FGD5: variants seen among roughly 807,000 people sequenced by gnomAD.
FGD5 encodes FYVE, RhoGEF and PH domain containing 5.
In FGD5, 28 loss-of-function variants were observed where a neutral mutation model predicts 133.4. That is an observed-to-expected ratio of 0.21 (90% CI 0.16 to 0.29). FGD5 has a LOEUF of 0.29. Among genes scored for constraint, FGD5 ranks in the 10% least tolerant of loss-of-function variants. The pLI, the probability that FGD5 is intolerant of heterozygous loss-of-function variation, is 1.00. For missense variants in FGD5, 1,858 were observed against 1,895.2 expected (o/e 0.98, Z 0.36); for synonymous variants, 810 against 776.5 (o/e 1.04, Z -0.72).
chr3:14,909,763 T>TTTC (rs943712790), intron 10 of FGD5, among the ~76,000 whole-genome samples: 3 of 86,438 alleles, frequency 3.5e-5, no homozygotes, highest in African/African-American at 7.6e-5. Context: ...TTTCTTTTCT[T>TTTC]TTTTTTTTTT....
intron 1 of FGD5, among the ~76,000 whole-genome samples, chr3:14,845,243 G>T (rs562240285): frequency 3.3e-5 from 5 of 152,326 alleles, no homozygotes; most frequent in African/African-American, 7.2e-5. Context: ...ACAGCAGGAA[G>T]GGTTTCATCC....
intron 1 of FGD5, among the ~76,000 whole-genome samples, chr3:14,860,633 T>C (rs1419941895): frequency 6.6e-6 from 1 of 152,152 alleles, no homozygotes; most frequent in Non-Finnish European, 1.5e-5. Flanking sequence ...AAGATAACTT[T>C]AGTCAAACAC....
In FGD5 at chr3:14,835,355, C is replaced by A. The variant is rs1381060609; in HGVS notation, c.2525+13759C>A. 3.3e-5 allele frequency among the ~76,000 whole-genome samples: 5 copies of A among 152,220 alleles called. No individual in the cohort carries two copies. The East Asian group carries it at 9.6e-4, about 29-fold the overall frequency. ...TCTGCTAAAAATACAAAATAATTAG[C>A]CTGGTGTGGTGGTGCATGCCTGTAG... On this transcript the variant is annotated intron_variant, in intron 1 of 19. Transcript: ENST00000285046.
At chr3:14,933,028 T>A in intron 19 of FGD5, 103 bp from the exon 20 acceptor site, 2 of 1,362,252 alleles carry the variant, frequency 1.5e-6, no homozygotes, top group Non-Finnish European at 2.1e-6. Context: ...GGTCCTTGAC[T>A]TCAAACTAAG....
chr3:14,891,206 C>T (rs2038020207), intron 4 of FGD5, among the ~76,000 whole-genome samples: 2 of 152,104 alleles, frequency 1.3e-5, no homozygotes, highest in African/African-American at 4.8e-5. Flanking sequence ...AGTTGGGAGT[C>T]CTCCTGCCCC....
At chr3:14,855,011 C>A (rs1212430628) in intron 1 of FGD5, among the ~76,000 whole-genome samples, 1 of 152,200 alleles carries the variant, frequency 6.6e-6, no homozygotes, top group Non-Finnish European at 1.5e-5. Context: ...CCTATCCTCA[C>A]CTTACTCCTA....
intron 2 of FGD5, among the ~76,000 whole-genome samples, chr3:14,873,293 C>T (rs1158426836): frequency 2.0e-5 from 3 of 152,142 alleles, no homozygotes; most frequent in Non-Finnish European, 4.4e-5. Context: ...AGGGGCAGCC[C>T]TCATGCCCAG....
At chr3:14,913,792 C>CT (rs1409577223) in intron 11 of FGD5, among the ~76,000 whole-genome samples, 1 of 152,216 alleles carries the variant, frequency 6.6e-6, no homozygotes, top group Admixed American at 6.5e-5. Context: ...TCTTGGCTCA[C>CT]TGGCCCTCAC....
chr3:14,918,860 G>C (rs779450217), intron 13 of FGD5, 27 bp downstream of exon 13: 4 of 1,610,828 alleles, frequency 2.5e-6, no homozygotes, highest in Admixed American at 1.7e-5. Flanking sequence ...GGAGGATGGC[G>C]CACAAGGCAG....
At chr3:14,882,253 T>C in intron 4 of FGD5, 1 of 978,308 alleles carries the variant, frequency 1.0e-6, no homozygotes, top group Non-Finnish European at 1.2e-6. Flanking sequence ...ACAGAGGGGC[T>C]GGGCAATTTT....
Position 14,921,964 on chromosome 3 carries a change from C to T in FGD5, c.3616C>T (p.Leu1206Phe). 1 of 1,572,348 alleles carries T rather than the reference C, an allele frequency of 6.4e-7. No homozygotes were observed. The change falls in exon 14 of 20, where the codon CTC (leucine) becomes TTC (phenylalanine). Residue 1206 changes from leucine (L) to phenylalanine (F), a missense_variant. By Grantham distance (22) the Leu-to-Phe change is conservative (BLOSUM62 0). This residue lies in a region of FGD5 where 1,824 missense variants were observed against 1,848.9 expected (regional missense o/e 0.99). Coordinates refer to ENST00000285046, the MANE Select transcript of FGD5 (RefSeq NM_152536.4). ...GTGGTATGGCTGTCTGAGCAGAGCC[C>T]TCCCTGAGGACTACAAGGCCCAGGC... Reference protein sequence around the residue: ...DEWYGCLSRALPEDYKAQALA... With the variant: ...DEWYGCLSRAFPEDYKAQALA...
intron 4 of FGD5, among the ~76,000 whole-genome samples, chr3:14,885,337 T>C (rs554185712): frequency 6.6e-6 from 1 of 151,598 alleles, no homozygotes; most frequent in East Asian, 2.0e-4. Flanking sequence ...CGGTCCAGAG[T>C]AGGCTTGCAA....
intron 1 of FGD5, among the ~76,000 whole-genome samples, chr3:14,845,723 A>G (rs1286087497): frequency 1.3e-5 from 2 of 152,192 alleles, no homozygotes; most frequent in Non-Finnish European, 2.9e-5. Flanking sequence ...TCATCCCCCC[A>G]CAGGTCTAGA....
chr3:14,821,531 C>T lies in FGD5; in HGVS notation c.2460C>T (p.Tyr820=), dbSNP rs140419004. The change falls in exon 1 of 20, where the codon TAC becomes TAT. Residue 820 remains tyrosine, a synonymous_variant. Coordinates refer to ENST00000285046, the MANE Select transcript of FGD5 (RefSeq NM_152536.4). ...ALSTANENDG[Y]VDMSSFNAFE... The stretch of plus-strand genomic sequence containing the variant: ...CCACAGCAAACGAAAATGATGGCTA[C>T]GTGGACATGAGCAGCTTCAACGCCT... 1.7e-3 allele frequency: 2,819 copies of T among 1,613,802 alleles called. 40 individuals are homozygous for T. The African/African-American group carries it at 0.031, about 18-fold the overall frequency.
intron 7 of FGD5, among the ~76,000 whole-genome samples, chr3:14,900,148 G>A (rs1250902043): frequency 6.6e-6 from 1 of 152,198 alleles, no homozygotes; most frequent in Admixed American, 6.5e-5. Context: ...TGTCTCCAAG[G>A]CATGGCCCAG....
At chr3:14,813,523 C>G (rs1290038804) in intron 1 of FGD5, among the ~76,000 whole-genome samples, 1 of 152,130 alleles carries the variant, frequency 6.6e-6, no homozygotes, top group African/African-American at 2.4e-5. Flanking sequence ...TATGAGAGTT[C>G]CAGGGGGAGT....
intron 1 of FGD5, among the ~76,000 whole-genome samples, chr3:14,860,603 T>C (rs2037379265): frequency 1.3e-5 from 2 of 152,226 alleles, no homozygotes; most frequent in African/African-American, 4.8e-5. Context: ...CTGTGAGGTC[T>C]GTGCACCTCC....
intron 1 of FGD5, among the ~76,000 whole-genome samples, chr3:14,829,046 G>A (rs1471325091): frequency 6.6e-6 from 1 of 151,884 alleles, no homozygotes; most frequent in Non-Finnish European, 1.5e-5. Context: ...CACCTGCCTC[G>A]GCCTCCCAAA....
rs1319965 is a variant in FGD5 at position 14,926,422 on chromosome 3, A to G, written c.4197+224A>G. Among the ~76,000 whole-genome samples the G allele has an allele frequency of 0.083, 12,588 of 152,270 alleles. 1,494 individuals are homozygous for G. Among genetic ancestry groups the G allele is most frequent in the African/African-American group, 0.26 (10,836 of 41,508 alleles). ...AGGAATTTGCAGTTTCTTTGTGGAT[A>G]TAAGAAGGTACGGACATGCCAAGCT... On this transcript the variant is annotated intron_variant, in intron 18 of 19. Transcript: ENST00000285046.
Sources: gnomAD v4.1 joint callset for allele counts (sites outside exome capture counted in the v4.1 genomes callset) on GRCh38, gnomAD v4.1.1 for gene constraint, gnomAD v4.1.1 regional missense constraint, MANE v1.5 for transcripts, NCBI Gene and HGNC (gene_info 2026-07-23, HGNC 2026-07-21) for gene names.